ARSF: variants seen among roughly 807,000 people sequenced by gnomAD.
ARSF encodes the protein arylsulfatase F.
In ARSF, 33 loss-of-function variants were observed where a neutral mutation model predicts 35.4. The ratio of observed to expected loss-of-function variants is 0.93; its 90% confidence interval spans 0.71 to 1.25. ARSF has a LOEUF of 1.25. ARSF is among the 50% of genes most tolerant of loss of function. The pLI is 0.00. For synonymous variants in ARSF, 222 were observed against 193.1 expected (o/e 1.15, Z -1.24); for missense variants, 501 against 480.2 (o/e 1.04, Z -0.40).
intron 5 of ARSF, among the ~76,000 whole-genome samples, chrX:3,083,678 T>C (rs1208813700): frequency 8.9e-6 from 1 of 111,975 alleles, no homozygotes; most frequent in Non-Finnish European, 1.9e-5. Context: ...TTCATCTGTC[T>C]ATCTACCTAT....
chrX:3,092,176 G>GATACATACATAC (rs776181940), intron 7 of ARSF, among the ~76,000 whole-genome samples: 62 of 41,135 alleles, frequency 1.5e-3, no homozygotes, highest in South Asian at 2.0e-3. Flanking sequence ...ATGATAGATA[G>GATACATACATAC]ATACATACAT....
chrX:3,044,254 T>C (rs1325640247), intron 1 of ARSF, among the ~76,000 whole-genome samples: 1 of 112,366 alleles, frequency 8.9e-6, no homozygotes, highest in Non-Finnish European at 1.9e-5. Context: ...GTAAGACTAA[T>C]TTGGTAAATT....
At chrX:3,092,618 C>T (rs947538591) in intron 7 of ARSF, among the ~76,000 whole-genome samples, 3 of 111,775 alleles carry the variant, frequency 2.7e-5, no homozygotes, top group Non-Finnish European at 5.6e-5. Flanking sequence ...TTTGAAAAAG[C>T]GCAACTGAGA....
chrX:3,074,589 T>C (rs1294801147), intron 3 of ARSF, among the ~76,000 whole-genome samples: 1 of 111,767 alleles, frequency 8.9e-6, no homozygotes, highest in Non-Finnish European at 1.9e-5. Flanking sequence ...GTGTACATCA[T>C]GATGTTTTGA....
chrX:3,056,148 G>C (rs897163849), intron 1 of ARSF, among the ~76,000 whole-genome samples: 3 of 110,689 alleles, frequency 2.7e-5, no homozygotes, highest in Admixed American at 9.7e-5. Context: ...TTTTTGTAGA[G>C]ACAGGGTCTC....
intron 3 of ARSF, among the ~76,000 whole-genome samples, chrX:3,075,256 C>T (rs964280267): frequency 1.8e-5 from 2 of 111,657 alleles, no homozygotes; most frequent in African/African-American, 6.5e-5. Flanking sequence ...ATGAACCCTG[C>T]AGAACAACAG....
chrX:3,083,407 C>A (rs910562625), intron 5 of ARSF, among the ~76,000 whole-genome samples: 1 of 110,853 alleles, frequency 9.0e-6, no homozygotes, highest in African/African-American at 3.3e-5. Flanking sequence ...CATCCACCTA[C>A]ACACACATCT....
At chrX:3,084,026 C>T (rs1171460645) in intron 5 of ARSF, among the ~76,000 whole-genome samples, 3 of 111,754 alleles carry the variant, frequency 2.7e-5, no homozygotes, top group Non-Finnish European at 3.8e-5. Context: ...TGCTCACAAC[C>T]GGATCTGAAT....
intron 7 of ARSF, among the ~76,000 whole-genome samples, 184 bp from the exon 8 acceptor site, chrX:3,100,901 TCA>T (rs1261583529): frequency 1.8e-5 from 2 of 112,216 alleles, no homozygotes; most frequent in Non-Finnish European, 3.8e-5. Flanking sequence ...GGCCTGACTC[TCA>T]GTTTTTTTCT....
At chrX:3,083,290 C>T (rs1478640502) in intron 5 of ARSF, among the ~76,000 whole-genome samples, 3 of 110,865 alleles carry the variant, frequency 2.7e-5, no homozygotes, top group Non-Finnish European at 5.7e-5. Flanking sequence ...TAGATGTATA[C>T]ACCATAATTT....
At chrX:3,098,380 G>C (rs2090353140) in intron 7 of ARSF, among the ~76,000 whole-genome samples, 1 of 111,038 alleles carries the variant, frequency 9.0e-6, no homozygotes, top group South Asian at 3.9e-4. Flanking sequence ...GCATCTACAA[G>C]AGTATGTGAT....
At chrX:3,057,426 C>T (rs1280401619) in intron 1 of ARSF, among the ~76,000 whole-genome samples, 1 of 111,108 alleles carries the variant, frequency 9.0e-6, no homozygotes, top group Non-Finnish European at 1.9e-5. Context: ...TTATGGAGCC[C>T]TCTTCATCCC....
intron 3 of ARSF, 97 bp from the exon 4 acceptor site, chrX:3,076,451 G>A: frequency 1.0e-6 from 1 of 1,001,658 alleles, no homozygotes; most frequent in Non-Finnish European, 1.3e-6. Context: ...GTGCCTTTCT[G>A]TTTGTCCTTC....
chrX:3,059,443 TGGACAGTGGGTGCA>T (rs1223335338), intron 1 of ARSF, among the ~76,000 whole-genome samples: 1 of 112,188 alleles, frequency 8.9e-6, no homozygotes, highest in Non-Finnish European at 1.9e-5. Flanking sequence ...TGGGACTGGT[TGGACAGTGGGTGCA>T]GCCCACAGAG....
chrX:3,072,027 A>C lies in ARSF; in HGVS notation c.13A>C (p.Arg5=), dbSNP rs766019360. ...ATAAAATCCCTGCTTGCTTTCCAGG[A>C]GACCCTTGGTCTTCATGTCTTTGGT... The part of the protein sequence containing the change: MRPR[R]PLVFMSLVCA... The change falls in exon 3 of 11, where the codon AGA becomes CGA. Residue 5 remains arginine (R), a splice_region_variant and synonymous_variant. Transcript: ENST00000381127. 5.0e-6 allele frequency: 6 copies of C among 1,201,073 alleles called. No individual in the cohort carries two copies. The Admixed American group carries it at 1.1e-4, about 22-fold the overall frequency.
At chrX:3,103,171 T>C (rs924205846) in intron 8 of ARSF, among the ~76,000 whole-genome samples, 2 of 111,323 alleles carry the variant, frequency 1.8e-5, no homozygotes, top group Admixed American at 9.6e-5. Context: ...GAATCAACAG[T>C]GAGCAAAATA....
chrX:3,083,523 TATCTATCCATCC>T (rs1386165538), intron 5 of ARSF, among the ~76,000 whole-genome samples: 11 of 76,687 alleles, frequency 1.4e-4, no homozygotes, highest in South Asian at 8.2e-4. Context: ...TCTATCTATC[TATCTATCCATCC>T]ATCCATCCAT....
rs765736553 is a variant in ARSF at position 3,076,598 on chromosome X, A to G, written c.212A>G (p.His71Arg). The G allele has an allele frequency of 1.7e-6, 2 of 1,208,214 alleles. No individual in the cohort carries two copies. The highest frequency in any genetic ancestry group is 2.2e-6 in the Non-Finnish European group (2 of 894,750). The change falls in exon 4 of 11, where the codon CAC becomes CGC. Residue 71 changes from histidine (H) to arginine (R), a missense_variant. Physicochemically the swap from His to Arg is conservative, Grantham distance 29. Coordinates refer to ENST00000381127, the MANE Select transcript of ARSF (RefSeq NM_001201539.2). ...AGGGAAGGCGTGCGACTGACTCAGC[A>G]CATCTCTGCCGCCTCCCTCTGCAGC... is the stretch of plus-strand genomic sequence containing the variant. ...LAREGVRLTQHISAASLCSPS... is the reference protein window; with the variant it reads ...LAREGVRLTQRISAASLCSPS...
In ARSF at chrX:3,080,886, T is replaced by C; in HGVS notation, c.284-5T>C. 1 of 1,210,974 alleles carries C rather than the reference T, an allele frequency of 8.3e-7. No homozygotes were observed. Among genetic ancestry groups the C allele is most frequent in the Non-Finnish European group, 1.1e-6 (1 of 895,123 alleles). The stretch of plus-strand genomic sequence containing the variant: ...TCATTGTACTTTTTTCCACACTACA[T>C]CTAGGTATGGTTTCTAGTGGTAATA... On this transcript the variant is annotated splice_region_variant and splice_polypyrimidine_tract_variant and intron_variant, in intron 4 of 10. Transcript: ENST00000381127.
Sources: gnomAD v4.1 joint callset for allele counts (sites outside exome capture counted in the v4.1 genomes callset) on GRCh38, gnomAD v4.1.1 for gene constraint, MANE v1.5 for transcripts, NCBI Gene and HGNC (gene_info 2026-07-23, HGNC 2026-07-21) for gene names.